The following GAB1 variants were observed in gnomAD, a reference collection of about 807,000 sequenced individuals.
GAB1 encodes GRB2-associated-binding protein 1.
Under a neutral mutation model 66.5 loss-of-function variants are expected in GAB1, and 19 were observed. The ratio of observed to expected loss-of-function variants is 0.29; its 90% confidence interval spans 0.20 to 0.42. GAB1 has a LOEUF of 0.42. Ranked by LOEUF, GAB1 falls within the 10% of genes least tolerant of loss-of-function variation. GAB1 has a pLI of 1.00. For missense variants in GAB1, 732 were observed against 858.5 expected, an observed-to-expected ratio of 0.85 and a Z score of 1.84; for synonymous variants, 294 against 301.4, an observed-to-expected ratio of 0.98 and a Z score of 0.25.
intron 1 of GAB1, among the ~76,000 whole-genome samples, chr4:143,339,270 A>G (rs1728753030): frequency 2.0e-5 from 3 of 152,232 alleles, no homozygotes; most frequent in Non-Finnish European, 2.9e-5. Flanking sequence ...TAATCCCAGC[A>G]CTTTGGGAGG....
At chr4:143,412,340 G>A (rs1373077808) in intron 1 of GAB1, among the ~76,000 whole-genome samples, 3 of 152,044 alleles carry the variant, frequency 2.0e-5, no homozygotes, top group Admixed American at 2.0e-4. Flanking sequence ...GTTCAGTATT[G>A]GAGCTCTTTT....
rs1315267000 is a variant in GAB1 at position 143,431,427 on chromosome 4, T to TA, written c.368-2061dup. ...AACAAGACCCAGGAAGAGAAAAACA[T>TA]AAAGGCCTTTTAAATATACCTATAA... is the stretch of plus-strand genomic sequence containing the variant. On this transcript the variant is annotated intron_variant, in intron 2 of 9. Transcript: ENST00000262994. Among the ~76,000 whole-genome samples the TA allele has an allele frequency of 2.6e-5, 4 of 152,212 alleles. No individual in the cohort carries two copies. In the South Asian group the frequency reaches 6.2e-4, roughly 24 times the overall value.
chr4:143,460,337 G>C, intron 7 of GAB1, 27 bp from the exon 8 acceptor site: 1 of 1,611,880 alleles, frequency 6.2e-7, no homozygotes, highest in Non-Finnish European at 8.5e-7. Context: ...CAAGGCTTAT[G>C]TTTGTGATGA....
At chr4:143,389,715 G>A (rs1436385426) in intron 1 of GAB1, among the ~76,000 whole-genome samples, 1 of 152,130 alleles carries the variant, frequency 6.6e-6, no homozygotes, top group Non-Finnish European at 1.5e-5. Flanking sequence ...CCAGTGTCTA[G>A]CAGTGTACTC....
At chr4:143,464,232 G>T (rs1219396022) in intron 8 of GAB1, among the ~76,000 whole-genome samples, 5 of 151,974 alleles carry the variant, frequency 3.3e-5, no homozygotes. Context: ...TTGATTTTTT[G>T]ATTTTTTAAT....
In GAB1 at chr4:143,470,103, A is replaced by G. The variant is rs1261898737; in HGVS notation, c.*914A>G. 6.6e-6 allele frequency: 1 copy of G among 152,194 alleles called. No individual in the cohort carries two copies. Among genetic ancestry groups the G allele is most frequent in the African/African-American group, 2.4e-5 (1 of 41,442 alleles). 9.4% of individuals were successfully genotyped at this position (152,194 alleles called of 1,614,324 possible). On this transcript the variant is annotated 3_prime_UTR_variant, in exon 10 of 10. Coordinates refer to ENST00000262994, the MANE Select transcript of GAB1 (RefSeq NM_002039.4). ...GTCCTAATATTGGTTTTCAGTTTGG[A>G]ATTAATAAAGCAGTTGACATTCACT... is the stretch of plus-strand genomic sequence containing the variant.
At position 143,472,121 on chromosome 4, in the gene GAB1, G is replaced by A. The variant is rs1736106674; in HGVS notation, c.*2932G>A. On this transcript the variant is annotated 3_prime_UTR_variant, in exon 10 of 10. Transcript: ENST00000262994. ...AAAATTAAAATTCAAACTTGAAAAA[G>A]CTGTTTAACCCATGGAAGATATCAT... 1 of 152,096 alleles carries A rather than the reference G, an allele frequency of 6.6e-6. No homozygotes were observed. The highest frequency in any genetic ancestry group is 1.5e-5 in the Non-Finnish European group (1 of 67,988). The allele number at this position is 152,096 out of a possible 1,614,324, so 9.4% of individuals were successfully genotyped here.
chr4:143,379,691 A>T (rs1213545622), intron 1 of GAB1, among the ~76,000 whole-genome samples: 2 of 151,896 alleles, frequency 1.3e-5, no homozygotes, highest in African/African-American at 4.8e-5. Flanking sequence ...GGCTCAAGTG[A>T]TCTTCCCACC....
Position 143,342,583 on chromosome 4 carries a change from C to T in GAB1, c.72+5323C>T, listed in dbSNP as rs1421973755. Among the ~76,000 whole-genome samples, 19 of 97,876 alleles carry T rather than the reference C, an allele frequency of 1.9e-4. No individual in the cohort carries two copies. In the Admixed American group the frequency reaches 2.5e-3, roughly 13 times the overall value. The allele number at this position is 97,876 out of a possible 152,430, so 64.2% of individuals were successfully genotyped here. On this transcript the variant is annotated intron_variant, in intron 1 of 9. Transcript: ENST00000262994. ...TTTTTTTTTTTTTGAGATGGAGTTT[C>T]GCTCTTGTCCAGGCTGGAGTACAAT...
At chr4:143,413,207 CT>C (rs200252854) in intron 1 of GAB1, among the ~76,000 whole-genome samples, 3,055 of 152,210 alleles carry the variant, frequency 0.02, 96 homozygotes, top group African/African-American at 0.07. Context: ...ATTTTATATT[CT>C]TTTGCTTTAC....
At chr4:143,360,980 C>G (rs1729641102) in intron 1 of GAB1, among the ~76,000 whole-genome samples, 1 of 152,202 alleles carries the variant, frequency 6.6e-6, no homozygotes, top group African/African-American at 2.4e-5. Flanking sequence ...TCTACCTCAT[C>G]CTTTCCCCAA....
chr4:143,341,032 CT>C (rs1362485957), intron 1 of GAB1, among the ~76,000 whole-genome samples: 1 of 152,160 alleles, frequency 6.6e-6, no homozygotes, highest in Non-Finnish European at 1.5e-5. Context: ...TTTTCCTTCT[CT>C]TTTTAATTTT....
In GAB1 at chr4:143,337,157, C is replaced by T. The variant is rs770252546; in HGVS notation, c.-32C>T. Reference sequence around the variant, plus strand: ...CGGGAGCGCGCCCGCCGCCCCTCAGCTGCCCGGCCCGGAGCCCGAGACGCG... The same window carrying T: ...CGGGAGCGCGCCCGCCGCCCCTCAGTTGCCCGGCCCGGAGCCCGAGACGCG... On this transcript the variant is annotated 5_prime_UTR_variant, in exon 1 of 10. Coordinates refer to ENST00000262994, the MANE Select transcript of GAB1 (RefSeq NM_002039.4). 1.0e-5 allele frequency: 16 copies of T among 1,553,398 alleles called. No individual in the cohort carries two copies. The South Asian group carries it at 1.9e-4, about 18-fold the overall frequency.
At position 143,465,552 on chromosome 4, in the gene GAB1, T is replaced by G. The variant is rs868780000; in HGVS notation, c.1804-551T>G. ...GTTTAGCAGCTTCTTTATCATTTCT[T>G]GTATTTCAGGCCTTCCTTAGGTAGT... On this transcript the variant is annotated intron_variant, in intron 8 of 9. Transcript: ENST00000262994. Among the ~76,000 whole-genome samples the G allele has an allele frequency of 2.0e-5, 3 of 152,238 alleles. 1 individual carries two copies. Among genetic ancestry groups the G allele is most frequent in the Middle Eastern group, 6.3e-3 (2 of 316 alleles).
intron 1 of GAB1, chr4:143,395,823 G>A (rs554579080): frequency 2.2e-6 from 1 of 452,156 alleles, no homozygotes; most frequent in Admixed American, 2.4e-5. Context: ...TAAGGACTTG[G>A]GGGTAACAAA....
At chr4:143,464,774 C>G (rs1243894269) in intron 8 of GAB1, among the ~76,000 whole-genome samples, 3 of 152,190 alleles carry the variant, frequency 2.0e-5, no homozygotes, top group Non-Finnish European at 4.4e-5. Flanking sequence ...AGGTTCCATA[C>G]CAGCTATTAG....
intron 1 of GAB1, among the ~76,000 whole-genome samples, chr4:143,371,666 G>GTATT (rs1489511359): frequency 1.3e-5 from 2 of 152,068 alleles, no homozygotes; most frequent in African/African-American, 4.8e-5. Context: ...TTTCTTCTAG[G>GTATT]GTTTTTATGG....
At chr4:143,396,152 G>A (rs945202618) in intron 1 of GAB1, among the ~76,000 whole-genome samples, 6 of 152,298 alleles carry the variant, frequency 3.9e-5, no homozygotes, top group Admixed American at 1.3e-4. Flanking sequence ...ATTCTCCGCC[G>A]AATGGCATGG....
At chr4:143,356,922 C>G (rs1333383572) in intron 1 of GAB1, among the ~76,000 whole-genome samples, 4 of 152,078 alleles carry the variant, frequency 2.6e-5, no homozygotes, top group Admixed American at 2.0e-4. Context: ...AAAGAACAAC[C>G]TTTTTTGTGT....
Sources: gnomAD v4.1 joint callset for allele counts (sites outside exome capture counted in the v4.1 genomes callset) on GRCh38, gnomAD v4.1.1 for gene constraint, MANE v1.5 for transcripts, NCBI Gene and HGNC (gene_info 2026-07-23, HGNC 2026-07-21) for gene names.